The following KLHL10 variants were observed in gnomAD, a reference collection of about 807,000 sequenced individuals.
KLHL10 encodes the protein kelch-like protein 10.
Under a neutral mutation model 46.6 loss-of-function variants are expected in KLHL10, and 11 were observed. The observed-to-expected ratio is 0.24, with a 90% CI of 0.15 to 0.39. The LOEUF is 0.39. Among genes scored for constraint, KLHL10 ranks in the 10% least tolerant of loss-of-function variants. The pLI is 1.00. For missense variants in KLHL10, 475 were observed against 789.8 expected (o/e 0.60, Z 4.78); for synonymous variants, 254 against 279.1 (o/e 0.91, Z 0.90).
In KLHL10 at chr17:41,845,148, C is replaced by T. The variant is rs924720858; in HGVS notation, c.707C>T (p.Ala236Val). The change falls in exon 3 of 5, where the codon GCT becomes GTT. Residue 236 changes from alanine to valine, a missense_variant. Transcript: ENST00000293303. ...LPKVRLALMH[A>V]EYFMNNVKMN... ...TAGGTTCGCCTGGCCCTAATGCATG[C>T]TGAGTACTTCATGAACAATGTTAAG... 8 of 1,614,104 alleles carry T rather than the reference C, an allele frequency of 5.0e-6. No individual in the cohort carries two copies. Among genetic ancestry groups the T allele is most frequent in the Non-Finnish European group, 6.8e-6 (8 of 1,180,060 alleles).
At chr17:41,841,052 A>G (rs1349828521) in intron 1 of KLHL10, among the ~76,000 whole-genome samples, 4 of 151,906 alleles carry the variant, frequency 2.6e-5, no homozygotes, top group Non-Finnish European at 5.9e-5. Context: ...AGGCAGGAAA[A>G]TTGCTTGCAC....
At chr17:41,838,646 GTTTGT>G (rs2048194415) in intron 1 of KLHL10, among the ~76,000 whole-genome samples, 1 of 58,288 alleles carries the variant, frequency 1.7e-5, no homozygotes, top group Admixed American at 2.0e-4. Flanking sequence ...TTTTTTTTTT[GTTTGT>G]TTTGTTTTTT....
intron 2 of KLHL10, among the ~76,000 whole-genome samples, chr17:41,843,222 T>C (rs1212686696): frequency 2.0e-5 from 3 of 151,898 alleles, no homozygotes; most frequent in African/African-American, 4.8e-5. Flanking sequence ...GAATTAGAAA[T>C]CATGGCTGGC....
In KLHL10 at chr17:41,848,006, C is replaced by T. The variant is rs1555621657; in HGVS notation, c.1526C>T (p.Thr509Ile). 1 of 1,614,118 alleles carries T rather than the reference C, an allele frequency of 6.2e-7. No individual in the cohort carries two copies. Among genetic ancestry groups the T allele is most frequent in the African/African-American group, 1.3e-5 (1 of 74,946 alleles). Residue 509 changes from threonine to isoleucine, a missense_variant, in exon 5 of 5, where the codon ACA becomes ATA. Transcript: ENST00000293303. ...AYSPVANTWR[T>I]IPTMFNPRSN... is the part of the protein sequence containing the mutation. ...AGCCCTGTGGCTAACACTTGGCGCACAATCCCCACTATGTTTAATCCTCGT... is the reference window on the plus strand; with the variant it reads ...AGCCCTGTGGCTAACACTTGGCGCATAATCCCCACTATGTTTAATCCTCGT...
At position 41,845,437 on chromosome 17, in the gene KLHL10, T is replaced by C. The variant is rs781797568; in HGVS notation, c.996T>C (p.His332=). 28 of 1,614,132 alleles carry C rather than the reference T, an allele frequency of 1.7e-5. No homozygotes were observed. Among genetic ancestry groups the C allele is most frequent in the Non-Finnish European group, 2.3e-5 (27 of 1,180,014 alleles). The change falls in exon 3 of 5, where the codon CAT becomes CAC. Residue 332 remains histidine, a synonymous_variant. Transcript: ENST00000293303. ...AGGAAGAGAGTCCCCGTGCCTACCATGGGGCAGCCTATTTGAAAGGCTATG... is the reference window on the plus strand; with the variant it reads ...AGGAAGAGAGTCCCCGTGCCTACCACGGGGCAGCCTATTTGAAAGGCTATG... The part of the protein sequence containing the change: ...TCEEESPRAY[H]GAAYLKGYVY...
intron 3 of KLHL10, among the ~76,000 whole-genome samples, chr17:41,846,764 G>A (rs7216546): frequency 0.74 from 113,008 of 151,784 alleles, 42,407 homozygotes; most frequent in Admixed American, 0.84. Flanking sequence ...GTAGTGAGCC[G>A]GGATAGCTCC....
intron 3 of KLHL10, 194 bp downstream of exon 3, chr17:41,845,937 C>A: frequency 3.9e-6 from 3 of 763,998 alleles, no homozygotes; most frequent in Non-Finnish European, 6.3e-6. Context: ...CAAAGCCGGG[C>A]ACGGTGGCTC....
At chr17:41,841,705 C>A in intron 1 of KLHL10, 118 bp from the exon 2 acceptor site, 1 of 1,166,978 alleles carries the variant, frequency 8.6e-7, no homozygotes, top group Non-Finnish European at 1.3e-6. Flanking sequence ...GAAAGGTGTT[C>A]TTCTTGTCCA....
intron 4 of KLHL10, 133 bp from the exon 5 acceptor site, chr17:41,847,800 C>A: frequency 2.4e-6 from 3 of 1,265,108 alleles, no homozygotes; most frequent in Non-Finnish European, 3.4e-6. Flanking sequence ...CCACTGCACC[C>A]GGCTGAAAAG....
intron 1 of KLHL10, among the ~76,000 whole-genome samples, chr17:41,838,479 C>T (rs1048498535): frequency 1.3e-5 from 2 of 151,644 alleles, no homozygotes; most frequent in African/African-American, 4.8e-5. Flanking sequence ...CCAGGCTGGT[C>T]TTGAACTCCT....
At chr17:41,845,894 A>T (rs1184769175) in intron 3 of KLHL10, 151 bp downstream of exon 3, 2 of 1,010,460 alleles carry the variant, frequency 2.0e-6, no homozygotes, top group African/African-American at 3.2e-5. Flanking sequence ...ACTAGTTGCA[A>T]CTGTCTTTTA....
At chr17:41,841,703 T>A in intron 1 of KLHL10, 120 bp from the exon 2 acceptor site, 2 of 1,139,346 alleles carry the variant, frequency 1.8e-6, no homozygotes, top group East Asian at 2.4e-5. Context: ...TGGAAAGGTG[T>A]TCTTCTTGTC....
upstream of KLHL10, chr17:41,837,799 G>A (rs1191417572): frequency 1.7e-5 from 26 of 1,513,460 alleles, no homozygotes; most frequent in African/African-American, 2.8e-5. Context: ...CCAGGATTCT[G>A]GAACTTGGGT....
chr17:41,837,691 G>C (rs1567866345), upstream of KLHL10: 28 of 1,220,526 alleles, frequency 2.3e-5, no homozygotes, highest in Non-Finnish European at 2.9e-5. Context: ...GTGGTTTTCA[G>C]CCTAAGTGGG....
At position 41,845,725 on chromosome 17, in the gene KLHL10, C is replaced by T. The variant is rs782530201; in HGVS notation, c.1284C>T (p.Ala428=). The T allele has an allele frequency of 1.2e-6, 2 of 1,613,666 alleles. No individual in the cohort carries two copies. Among genetic ancestry groups the T allele is most frequent in the African/African-American group, 2.7e-5 (2 of 74,854 alleles). The change falls in exon 3 of 5, where the codon GCC becomes GCT. Residue 428 remains alanine (A), a synonymous_variant. Transcript: ENST00000293303. ...ACGAACAGAGGAGTGATGCAAGCGC[C>T]ACAACACTTTATGGGAAGGTAAAGG... ...PMHEQRSDAS[A]TTLYGKVYIC...
intron 2 of KLHL10, among the ~76,000 whole-genome samples, chr17:41,843,961 C>T (rs546810878): frequency 6.2e-4 from 94 of 151,476 alleles, no homozygotes; most frequent in African/African-American, 2.2e-3. Flanking sequence ...CGGGGTTTCA[C>T]CGTGTTAGCC....
chr17:41,836,113 G>A, upstream of KLHL10: 2 of 1,333,680 alleles, frequency 1.5e-6, no homozygotes, highest in East Asian at 3.0e-5. Flanking sequence ...TGACCAGCTG[G>A]GGGGCTCGAA....
At chr17:41,836,068 C>T (rs1009231373), upstream of KLHL10, 2 of 1,390,682 alleles carry the variant, frequency 1.4e-6, no homozygotes, top group Non-Finnish European at 1.9e-6. Flanking sequence ...CGCGAGGGGG[C>T]GGCTACTGGC....
intron 4 of KLHL10, 84 bp from the exon 5 acceptor site, chr17:41,847,849 G>A: frequency 7.7e-6 from 12 of 1,561,264 alleles, no homozygotes; most frequent in Non-Finnish European, 1.1e-5. Context: ...GGAGTTATGA[G>A]ATCACTGGTA....
Sources: gnomAD v4.1 joint callset for allele counts (sites outside exome capture counted in the v4.1 genomes callset) on GRCh38, gnomAD v4.1.1 for gene constraint, MANE v1.5 for transcripts, NCBI Gene and HGNC (gene_info 2026-07-23, HGNC 2026-07-21) for gene names.